Variants in MCF2 observed in about 807,000 individuals in gnomAD.
MCF2 encodes proto-oncogene DBL.
A neutral mutation model predicts 82.5 loss-of-function variants in MCF2; 44 were observed. That is an observed-to-expected ratio of 0.53 (90% CI 0.42 to 0.69). The LOEUF (loss-of-function observed/expected upper bound fraction) is 0.69, where lower values mean the gene tolerates loss of function less well. MCF2 is among the 30% of genes least tolerant of loss of function. The pLI, the probability that MCF2 is intolerant of heterozygous loss-of-function variation, is 0.00. For missense variants in MCF2, 623 were observed against 663.1 expected (o/e 0.94, Z 0.66); for synonymous variants, 217 against 224.9 (o/e 0.96, Z 0.32).
At chrX:139,585,216 G>T in intron 23 of MCF2, 38 bp from the exon 28 acceptor site, 8 of 860,053 alleles carry the variant, frequency 9.3e-6, no homozygotes, top group Non-Finnish European at 1.3e-5. Context: ...TTACTTCATG[G>T]TGCTAATTTA....
chrX:139,626,411 C>A, intron 5 of MCF2, 104 bp from the exon 9 acceptor site: 1 of 585,354 alleles, frequency 1.7e-6, no homozygotes, highest in Non-Finnish European at 2.8e-6. Flanking sequence ...AAAGTCATAG[C>A]CCATGACACT....
intron 6 of MCF2, among the ~76,000 whole-genome samples, chrX:139,625,263 G>C (rs190838381): frequency 1.8e-5 from 2 of 111,585 alleles, no homozygotes. Context: ...GTAAGTATAA[G>C]CATAATGGGT....
chrX:139,673,294 G>GT (rs955292729), intron 1 of MCF2, among the ~76,000 whole-genome samples: 4 of 111,176 alleles, frequency 3.6e-5, no homozygotes, highest in African/African-American at 1.3e-4. Flanking sequence ...TTTTTGAAGG[G>GT]TTTTTTGCAT....
At chrX:139,658,082 C>CAA (rs200871392) in intron 1 of MCF2, among the ~76,000 whole-genome samples, 1 of 110,013 alleles carries the variant, frequency 9.1e-6, no homozygotes, top group African/African-American at 3.3e-5. Context: ...GAAAAGAAAG[C>CAA]AAAAAAAATC....
chrX:139,590,382 G>A (rs1010509331), intron 19 of MCF2, among the ~76,000 whole-genome samples: 1 of 110,569 alleles, frequency 9.0e-6, no homozygotes, highest in Admixed American at 9.7e-5. Flanking sequence ...AGTCCTACAA[G>A]TTATAAACAT....
At chrX:139,634,715 A>C (rs914710061) in intron 1 of MCF2, among the ~76,000 whole-genome samples, 1 of 111,785 alleles carries the variant, frequency 8.9e-6, no homozygotes, top group African/African-American at 3.3e-5. Context: ...TCCCCCTTCT[A>C]TTATTCTACA....
At chrX:139,647,196 A>G (rs774371936), upstream of MCF2, among the ~76,000 whole-genome samples, 27 of 112,116 alleles carry the variant, frequency 2.4e-4, no homozygotes, top group Non-Finnish European at 4.5e-4. Context: ...TGATTCCCCA[A>G]TCTGGACAAC....
Position 139,702,563 on chromosome X carries a change from AC to A in MCF2, c.-45+5542del, listed in dbSNP as rs763784822. 2.5e-3 allele frequency among the ~76,000 whole-genome samples: 278 copies of A among 113,056 alleles called. 2 individuals are homozygous for A. Among genetic ancestry groups the A allele is most frequent in the African/African-American group, 8.6e-3 (268 of 31,135 alleles). On this transcript the variant is annotated intron_variant, in intron 1 of 27. Coordinates refer to the MCF2 transcript ENST00000414978. ...TAAAAACAATGCTAATTGGTTACAC[AC>A]TGAAAGATTCAAATCATTATTATAA...
chrX:139,589,955 G>A (rs747107552), intron 19 of MCF2, 28 bp from the exon 24 acceptor site: 10 of 919,854 alleles, frequency 1.1e-5, no homozygotes, highest in Non-Finnish European at 1.5e-5. Flanking sequence ...AAATTTTCAT[G>A]AGCATTTTAT....
chrX:139,617,558 C>T (rs1294407450), exon 8 of MCF2: 2 of 1,195,880 alleles, frequency 1.7e-6, no homozygotes, highest in South Asian at 1.9e-5. Context: ...TGAGTTGTAT[C>T]CGTTTTGCTT....
At chrX:139,597,133 C>A (rs765410719) in intron 18 of MCF2, among the ~76,000 whole-genome samples, 1 of 111,084 alleles carries the variant, frequency 9.0e-6, no homozygotes, top group Admixed American at 9.7e-5. Context: ...AGATTTGATT[C>A]TTTTCTTTCC....
At chrX:139,621,729 C>A (rs990642068) in intron 6 of MCF2, among the ~76,000 whole-genome samples, 34 of 111,422 alleles carry the variant, frequency 3.1e-4, no homozygotes, top group Non-Finnish European at 5.3e-4. Flanking sequence ...AAAACTAATT[C>A]AAGATGGATT....
chrX:139,670,042 C>G (rs1376329810), intron 1 of MCF2, among the ~76,000 whole-genome samples: 3 of 111,466 alleles, frequency 2.7e-5, no homozygotes, highest in African/African-American at 9.8e-5. Flanking sequence ...TTGTATTATA[C>G]GTGTATTATA....
chrX:139,664,332 A>C (rs1448597716), intron 1 of MCF2, among the ~76,000 whole-genome samples: 1 of 111,456 alleles, frequency 9.0e-6, no homozygotes, highest in African/African-American at 3.3e-5. Flanking sequence ...AAAAAAAAAA[A>C]CCATTTTTGA....
chrX:139,619,463 A>C, intron 7 of MCF2, 124 bp downstream of exon 10: 5 of 461,375 alleles, frequency 1.1e-5, no homozygotes, highest in Non-Finnish European at 1.3e-5. Flanking sequence ...TACCACCTAT[A>C]CCCCAGTAAC....
chrX:139,679,830 T>C (rs1295296993), intron 1 of MCF2, among the ~76,000 whole-genome samples: 1 of 111,153 alleles, frequency 9.0e-6, no homozygotes, highest in African/African-American at 3.3e-5. Context: ...CCTGACTCAA[T>C]ATTATATTAA....
intron 21 of MCF2, 31 bp from the exon 26 acceptor site, chrX:139,587,819 C>A: frequency 1.1e-6 from 1 of 947,272 alleles, no homozygotes; most frequent in Non-Finnish European, 1.5e-6. Context: ...TATTATCATT[C>A]AGAAGTCACA....
At chrX:139,612,857 C>A (rs1931603378) in intron 10 of MCF2, among the ~76,000 whole-genome samples, 1 of 111,843 alleles carries the variant, frequency 8.9e-6, no homozygotes, top group East Asian at 2.8e-4. Context: ...ATTAGGCAGT[C>A]TCAAACTGAA....
Position 139,587,713 on chromosome X carries a change from T to C in MCF2, c.2522+3A>G. ...TGGTATTTCTTAAAGAATAATCACTTACTCATCATTCTGCTGAAGAGAAAT... is the reference window on the plus strand; with the variant it reads ...TGGTATTTCTTAAAGAATAATCACTCACTCATCATTCTGCTGAAGAGAAAT... On this transcript the variant is annotated splice_donor_region_variant and intron_variant, in intron 22 of 24. Coordinates refer to ENST00000370576, the Ensembl canonical transcript of MCF2. 1.7e-6 allele frequency: 2 copies of C among 1,147,783 alleles called. No homozygotes were observed. The highest frequency in any genetic ancestry group is 1.8e-5 in the South Asian group (1 of 54,282). 94.6% of individuals were successfully genotyped at this position (1,147,783 alleles called of 1,213,427 possible).
Sources: gnomAD v4.1 joint callset for allele counts (sites outside exome capture counted in the v4.1 genomes callset) on GRCh38, gnomAD v4.1.1 for gene constraint, MANE v1.5 for transcripts, NCBI Gene and HGNC (gene_info 2026-07-23, HGNC 2026-07-21) for gene names.